The following PDE10A variants were observed in gnomAD, a reference collection of about 807,000 sequenced individuals.
PDE10A encodes the protein phosphodiesterase 10A.
Under a neutral mutation model 97.7 loss-of-function variants are expected in PDE10A, and 39 were observed. The ratio of observed to expected loss-of-function variants is 0.40; its 90% CI spans 0.31 to 0.52. The LOEUF (loss-of-function observed/expected upper bound fraction) is 0.52. Among genes scored for constraint, PDE10A ranks in the 20% least tolerant of loss-of-function variants. PDE10A has a pLI of 0.56. For missense variants in PDE10A, 731 were observed against 1,047.8 expected (o/e 0.70, Z 4.17); for synonymous variants, 371 against 376.8 (o/e 0.98, Z 0.18).
At chr6:165,784,022 A>G (rs1778418044) in intron 1 of PDE10A, among the ~76,000 whole-genome samples, 1 of 152,122 alleles carries the variant, frequency 6.6e-6, no homozygotes. Context: ...GTTCAAGACC[A>G]GCCTGGCCAT....
chr6:165,515,646 C>T (rs1781757963), intron 2 of PDE10A, among the ~76,000 whole-genome samples: 1 of 151,322 alleles, frequency 6.6e-6, no homozygotes, highest in Non-Finnish European at 1.5e-5. Context: ...GCCTCAGCCT[C>T]CCAAGTTGCT....
At chr6:165,839,081 A>C (rs192451648) in intron 1 of PDE10A, among the ~76,000 whole-genome samples, 237 of 152,362 alleles carry the variant, frequency 1.6e-3, no homozygotes, top group African/African-American at 5.4e-3. Flanking sequence ...CAATGAAAGG[A>C]ATATTTCTAA....
intron 1 of PDE10A, among the ~76,000 whole-genome samples, chr6:165,927,649 T>TATATATATATATATATAG (rs1456636794): frequency 1.1e-4 from 11 of 100,560 alleles, no homozygotes; most frequent in African/African-American, 4.0e-4. Context: ...GAGAATGACA[T>TATATATATATATATATAG]ATATATATAT....
chr6:165,910,948 T>C (rs545146963), intron 1 of PDE10A: 115 of 152,328 alleles, frequency 7.5e-4, no homozygotes, highest in African/African-American at 2.7e-3. Context: ...GAGTATTTAA[T>C]AGAGTGCTCA....
chr6:165,336,368 C>T (rs1781647260), intron 20 of PDE10A, among the ~76,000 whole-genome samples, 157 bp from the exon 21 acceptor site: 1 of 152,210 alleles, frequency 6.6e-6, no homozygotes, highest in Admixed American at 6.5e-5. Flanking sequence ...TCCATGAATA[C>T]TATTATAGAC....
intron 2 of PDE10A, among the ~76,000 whole-genome samples, chr6:165,494,413 C>A (rs1780402702): frequency 6.7e-6 from 1 of 148,980 alleles, no homozygotes; most frequent in African/African-American, 2.5e-5. Context: ...AATATGGAAC[C>A]AGCCCAAATG....
chr6:165,425,709 GA>G (rs1350554314), intron 10 of PDE10A, among the ~76,000 whole-genome samples: 1 of 151,364 alleles, frequency 6.6e-6, no homozygotes, highest in Non-Finnish European at 1.5e-5. Flanking sequence ...GAAAAAGAAA[GA>G]AAACACATCT....
At chr6:165,722,125 C>T (rs1362673625) in intron 1 of PDE10A, among the ~76,000 whole-genome samples, 1 of 152,226 alleles carries the variant, frequency 6.6e-6, no homozygotes, top group African/African-American at 2.4e-5. Flanking sequence ...ATGTCAGATA[C>T]TTCTACCTGA....
intron 1 of PDE10A, chr6:165,576,399 G>A: frequency 1.3e-6 from 1 of 780,732 alleles, no homozygotes; most frequent in Non-Finnish European, 2.4e-6. Context: ...CTGGCTTCGT[G>A]TCCTCTACTC....
intron 1 of PDE10A, among the ~76,000 whole-genome samples, chr6:165,590,630 G>A (rs1469525503): frequency 1.3e-5 from 2 of 152,148 alleles, no homozygotes; most frequent in African/African-American, 4.8e-5. Context: ...AGTGGCTCAC[G>A]CCTGTAATCT....
chr6:165,957,536 T>C (rs374200703), intron 1 of PDE10A, among the ~76,000 whole-genome samples: 57 of 152,282 alleles, frequency 3.7e-4, no homozygotes, highest in African/African-American at 1.3e-3. Flanking sequence ...TTAATAATAA[T>C]TACAACTAAC....
chr6:165,470,188 T>C (rs2128270126), intron 3 of PDE10A, among the ~76,000 whole-genome samples: 1 of 152,290 alleles, frequency 6.6e-6, no homozygotes, highest in African/African-American at 2.4e-5. Context: ...AGATATCACA[T>C]GACCAGAGAG....
chr6:165,970,737 C>G (rs1784644272), intron 1 of PDE10A, among the ~76,000 whole-genome samples: 1 of 152,030 alleles, frequency 6.6e-6, no homozygotes, highest in South Asian at 2.1e-4. Context: ...GAATTTTTGC[C>G]AATTGCATTT....
intron 3 of PDE10A, among the ~76,000 whole-genome samples, chr6:165,465,328 TA>T (rs1429697563): frequency 6.6e-6 from 1 of 152,144 alleles, no homozygotes; most frequent in Admixed American, 6.6e-5. Context: ...ATGCTTACTT[TA>T]AAAAATTTTA....
intron 1 of PDE10A, among the ~76,000 whole-genome samples, chr6:165,562,932 C>T (rs1258429256): frequency 6.6e-6 from 1 of 151,902 alleles, no homozygotes; most frequent in East Asian, 1.9e-4. Flanking sequence ...GGCGAGGTTG[C>T]CTAACATCCT....
intron 1 of PDE10A, among the ~76,000 whole-genome samples, chr6:165,912,767 A>G (rs1782497805): frequency 6.6e-6 from 1 of 152,232 alleles, no homozygotes; most frequent in Non-Finnish European, 1.5e-5. Flanking sequence ...AAGGCTATGT[A>G]TTACTCAGTG....
At chr6:165,607,571 C>T (rs762429372) in intron 1 of PDE10A, among the ~76,000 whole-genome samples, 2 of 152,064 alleles carry the variant, frequency 1.3e-5, no homozygotes, top group Non-Finnish European at 2.9e-5. Context: ...ACCATCAGGA[C>T]GTCACCTAGT....
intron 1 of PDE10A, among the ~76,000 whole-genome samples, chr6:165,829,197 CT>C (rs908827885): frequency 1.3e-5 from 2 of 152,224 alleles, no homozygotes; most frequent in Non-Finnish European, 2.9e-5. Context: ...CATCAGAGCC[CT>C]TGTGCAGGCC....
At chr6:165,395,922 A>G (rs1482384053) in intron 14 of PDE10A, among the ~76,000 whole-genome samples, 1 of 152,194 alleles carries the variant, frequency 6.6e-6, no homozygotes, top group Non-Finnish European at 1.5e-5. Context: ...ACAGTATGAG[A>G]GTCAAACTAT....
Sources: allele counts gnomAD v4.1 joint callset (sites outside exome capture counted in the v4.1 genomes callset), GRCh38; gene constraint gnomAD v4.1.1; transcripts MANE v1.5; gene names NCBI Gene and HGNC (gene_info 2026-07-23, HGNC 2026-07-21).